The following TET1 variants were observed in gnomAD, a reference collection of about 807,000 sequenced individuals.
TET1 encodes methylcytosine dioxygenase TET1.
A neutral mutation model predicts 148.7 loss-of-function variants in TET1; 13 were observed. That is an observed-to-expected ratio of 0.09 (90% CI 0.06 to 0.14). TET1 has a LOEUF of 0.14. Ranked by LOEUF, TET1 falls within the 10% of genes least tolerant of loss-of-function variation. TET1 has a pLI of 1.00. For missense variants in TET1, 2,182 were observed against 2,553.8 expected, an observed-to-expected ratio of 0.85 and a Z score of 3.14; for synonymous variants, 907 against 937.2, an observed-to-expected ratio of 0.97 and a Z score of 0.59.
In TET1 at chr10:68,626,861, A is replaced by ATTAT. The variant is rs200710067; in HGVS notation, c.1969-17822_1969-17819dup. Among the ~76,000 whole-genome samples, 127 of 152,030 alleles carry ATTAT rather than the reference A, an allele frequency of 8.4e-4. 1 individual carries two copies. The East Asian group carries it at 0.018, about 22-fold the overall frequency. On this transcript the variant is annotated intron_variant, in intron 3 of 11. Coordinates refer to ENST00000373644, the MANE Select transcript of TET1 (RefSeq NM_030625.3). ...ACTATGACTGGCCCCTTGTTATTTT[A>ATTAT]TTATTTATTTATTTATTTTGAGATA...
intron 10 of TET1, among the ~76,000 whole-genome samples, chr10:68,683,593 T>C (rs1181339095): frequency 1.3e-5 from 2 of 151,852 alleles, no homozygotes; most frequent in Non-Finnish European, 1.5e-5. Flanking sequence ...TTTGTATTTT[T>C]AGTAGAGATG....
At position 68,693,645 on chromosome 10, in the gene TET1, G is replaced by T. The variant is rs111690881; in HGVS notation, c.*1831G>T. 1.8e-3 allele frequency: 415 copies of T among 232,324 alleles called. 2 individuals carry two copies. Among genetic ancestry groups the T allele is most frequent in the South Asian group, 6.0e-3 (33 of 5,512 alleles). 14.4% of individuals were successfully genotyped at this position (232,324 alleles called of 1,614,324 possible). A position where few individuals can be genotyped will look rare whatever the true frequency, so the allele number is the denominator to read the frequency against. ...ATTGACTTGTTTTAGTATTTTGTGTGCCTTAGATTTCCGTTTTAAGACATG... is the reference window on the plus strand; with the variant it reads ...ATTGACTTGTTTTAGTATTTTGTGTTCCTTAGATTTCCGTTTTAAGACATG... On this transcript the variant is annotated 3_prime_UTR_variant, in exon 12 of 12. Transcript: ENST00000373644.
chr10:68,691,627 A>G lies in TET1; in HGVS notation c.6224A>G (p.Asn2075Ser). 1 of 1,614,230 alleles carries G rather than the reference A, an allele frequency of 6.2e-7. No homozygotes were observed. The highest frequency in any genetic ancestry group is 1.3e-5 in the African/African-American group (1 of 75,048). Reference protein sequence around the residue: ...KIKFEAKEAKNKKMKASEQKD... With the variant: ...KIKFEAKEAKSKKMKASEQKD... ...AAGTTTGAGGCTAAAGAAGCTAAGA[A>G]TAAGAAAATGAAGGCCTCAGAGCAA... Residue 2075 changes from asparagine to serine, a missense_variant, in exon 12 of 12, where the codon AAT becomes AGT. By Grantham distance (46) the Asn-to-Ser change is conservative. Transcript: ENST00000373644. This position sits in a 1 kb window ranked among gnomAD's most constrained non-coding sequence, Gnocchi z 4.4.
rs1233149096 is a variant in TET1, at chr10:68,624,654, TTCTTTCTCTCTCTCTCTCTCTC to T, written c.1969-20040_1969-20019del. 1.2e-3 allele frequency among the ~76,000 whole-genome samples: 73 copies of T among 58,432 alleles called. 1 individual carries two copies. The highest frequency in any genetic ancestry group is 5.7e-3 in the East Asian group (15 of 2,626). The allele number at this position is 58,432 out of a possible 152,430, so 38.3% of individuals were successfully genotyped here. On this transcript the variant is annotated intron_variant, in intron 3 of 11. Coordinates refer to ENST00000373644, the MANE Select transcript of TET1 (RefSeq NM_030625.3). ...TTTCTTTCTTTCTTTCTTTCTTTCT[TTCTTTCTCTCTCTCTCTCTCTC>T]TCTCTCTCTCTCTCTCTCTCTTTCT...
intron 8 of TET1, chr10:68,674,799 G>A: frequency 2.1e-6 from 1 of 479,624 alleles, no homozygotes. Context: ...CAATGTTTCG[G>A]CCAAATCTGG....
intron 8 of TET1, chr10:68,674,938 A>G: frequency 2.6e-6 from 1 of 378,360 alleles, no homozygotes; most frequent in South Asian, 2.4e-5. Flanking sequence ...CCTCTCCATG[A>G]TGTCTTTGTT....
intron 8 of TET1, among the ~76,000 whole-genome samples, chr10:68,679,445 C>T (rs1467675438): frequency 2.0e-5 from 3 of 152,104 alleles, no homozygotes; most frequent in Admixed American, 6.5e-5. Flanking sequence ...TTACATGTGA[C>T]TTTTCCAGTG....
At chr10:68,687,997 C>T (rs147512676) in intron 11 of TET1, among the ~76,000 whole-genome samples, 1 of 152,004 alleles carries the variant, frequency 6.6e-6, no homozygotes, top group African/African-American at 2.4e-5. Context: ...TTCACAGACA[C>T]AATCATAGCA....
chr10:68,621,688 G>A (rs750130943), intron 3 of TET1, among the ~76,000 whole-genome samples: 1 of 152,136 alleles, frequency 6.6e-6, no homozygotes. Context: ...TACATCTGTT[G>A]CATTTTCAAT....
intron 3 of TET1, among the ~76,000 whole-genome samples, chr10:68,604,002 G>C (rs1312564540): frequency 2.0e-5 from 3 of 152,142 alleles, no homozygotes; most frequent in African/African-American, 7.2e-5. Context: ...GCCTATTGGT[G>C]ATCACTAGTT....
At chr10:68,624,102 TTC>T (rs1283001740) in intron 3 of TET1, among the ~76,000 whole-genome samples, 2 of 151,702 alleles carry the variant, frequency 1.3e-5, no homozygotes, top group Non-Finnish European at 2.9e-5. Context: ...TTTCTTTCTT[TTC>T]TTTTTTTTTT....
At chr10:68,653,340 CT>C (rs2054968712) in intron 6 of TET1, among the ~76,000 whole-genome samples, 1 of 152,140 alleles carries the variant, frequency 6.6e-6, no homozygotes, top group Non-Finnish European at 1.5e-5. Context: ...TGTTAAATCA[CT>C]GTCTTTAATC....
rs762440589 is a variant in TET1 at position 68,667,100 on chromosome 10, C to T, written c.4517C>T (p.Thr1506Ile). The stretch of plus-strand genomic sequence containing the variant: ...GTTCTTTGTTTGGTCCGGCAGCGTA[C>T]AGGCCACCACTGTCCAACTGCTGTG... ...EKVLCLVRQR[T>I]GHHCPTAVMV... Residue 1506 changes from threonine to isoleucine, a missense_variant, in exon 7 of 12, where the codon ACA (threonine) becomes ATA (isoleucine). By Grantham distance (89) the Thr-to-Ile change is moderately conservative. Transcript: ENST00000373644. 73 of 1,614,004 alleles carry T rather than the reference C, an allele frequency of 4.5e-5. No individual in the cohort carries two copies. The highest frequency in any genetic ancestry group is 8.3e-5 in the Admixed American group (5 of 59,982).
chr10:68,648,488 A>G (rs2054884139), intron 4 of TET1, among the ~76,000 whole-genome samples: 1 of 152,186 alleles, frequency 6.6e-6, no homozygotes, highest in Non-Finnish European at 1.5e-5. Flanking sequence ...TTTTGTGAAA[A>G]ATCTGTTTTG....
intron 10 of TET1, among the ~76,000 whole-genome samples, chr10:68,684,729 C>T (rs2055486711): frequency 6.6e-6 from 1 of 152,120 alleles, no homozygotes; most frequent in African/African-American, 2.4e-5. Flanking sequence ...ACTACCTCTC[C>T]CTTCACCCTG....
chr10:68,593,180 T>G (rs1194714098), intron 2 of TET1, among the ~76,000 whole-genome samples: 1 of 133,694 alleles, frequency 7.5e-6, no homozygotes, highest in African/African-American at 2.9e-5. Flanking sequence ...CGCAGTGAGC[T>G]GAGATTGCGC....
At position 68,646,730 on chromosome 10, in the gene TET1, T is replaced by A; in HGVS notation, c.4001T>A (p.Leu1334Gln). The stretch of plus-strand genomic sequence containing the variant: ...AAGGAGCAACTCATGCATCAGAGAC[T>A]GCCAACATTGCCTGGTATCTCTCAT... ...VVKEQLMHQRLPTLPGISHET... is the reference protein window; with the variant it reads ...VVKEQLMHQRQPTLPGISHET... Residue 1334 changes from leucine (L) to glutamine (Q), a missense_variant, in exon 4 of 12, where the codon CTG (leucine) becomes CAG (glutamine). Transcript: ENST00000373644. 6.2e-7 allele frequency: 1 copy of A among 1,614,192 alleles called. No individual in the cohort carries two copies. Among genetic ancestry groups the A allele is most frequent in the African/African-American group, 1.3e-5 (1 of 75,040 alleles).
At position 68,573,787 on chromosome 10, in the gene TET1, A is replaced by G. The variant is rs1439760172; in HGVS notation, c.1449A>G (p.Ser483=). ...ACACTCCTCAATCATCATCAAACTC[A>G]GAGAAAAATTCATTACCTCCAGTAA... The part of the protein sequence containing the change: ...SGHTPQSSSN[S]EKNSLPPVMA... Residue 483 remains serine (S), a synonymous_variant, in exon 2 of 12, where the codon TCA becomes TCG. Transcript: ENST00000373644. The G allele has an allele frequency of 2.5e-5, 41 of 1,613,948 alleles. No individual in the cohort carries two copies. Among genetic ancestry groups the G allele is most frequent in the Admixed American group, 3.3e-5 (2 of 59,990 alleles).
intron 3 of TET1, among the ~76,000 whole-genome samples, chr10:68,624,787 A>G (rs544462776): frequency 6.8e-6 from 1 of 146,160 alleles, no homozygotes; most frequent in Admixed American, 7.0e-5. Context: ...GCTGGAGTGC[A>G]GTGGCGCAAT....
Sources: allele counts gnomAD v4.1 joint callset (sites outside exome capture counted in the v4.1 genomes callset), GRCh38; gene constraint gnomAD v4.1.1; non-coding constraint Gnocchi (gnomAD v3.1); transcripts MANE v1.5; gene names NCBI Gene and HGNC (gene_info 2026-07-23, HGNC 2026-07-21).